The following ARID1A variants were observed in gnomAD, a reference collection of about 807,000 sequenced individuals.
The protein encoded by ARID1A is AT-rich interaction domain 1A, also known as AT-rich interactive domain-containing protein 1A.
Under a neutral mutation model 212.6 loss-of-function variants are expected in ARID1A, and 20 were observed. That is an observed-to-expected ratio of 0.09 (90% CI 0.07 to 0.14). ARID1A has a LOEUF of 0.14. Ranked by LOEUF, ARID1A falls within the 10% of genes least tolerant of loss-of-function variation. The pLI is 1.00. For missense variants in ARID1A, 2,587 were observed against 3,059.0 expected, an observed-to-expected ratio of 0.85 and a Z score of 3.64; for synonymous variants, 1,376 against 1,222.1, an observed-to-expected ratio of 1.13 and a Z score of -2.63.
chr1:26,728,673 GTT>G (rs989383746), intron 1 of ARID1A, among the ~76,000 whole-genome samples: 4 of 152,148 alleles, frequency 2.6e-5, no homozygotes, highest in African/African-American at 9.7e-5. Flanking sequence ...GTAAGAGCTA[GTT>G]TTTAAGTTTT....
intron 19 of ARID1A, among the ~76,000 whole-genome samples, chr1:26,776,577 A>G (rs1345806029): frequency 6.7e-6 from 1 of 149,850 alleles, no homozygotes; most frequent in Non-Finnish European, 1.5e-5. Flanking sequence ...CCGGCCCTAC[A>G]ATATTCTTAC....
At position 26,774,780 on chromosome 1, in the gene ARID1A, C is replaced by T. The variant is rs2124120441; in HGVS notation, c.4553C>T (p.Pro1518Leu). 6.2e-7 allele frequency: 1 copy of T among 1,614,238 alleles called. No individual in the cohort carries two copies. The change falls in exon 18 of 20, where the codon CCC (proline) becomes CTC (leucine). Residue 1518 changes from proline (P) to leucine (L), a missense_variant. Around this residue, in one of 11 missense-constraint regions of ARID1A, gnomAD observed 890 missense variants for 1,098.2 expected, o/e 0.81. Coordinates refer to ENST00000324856, the MANE Select transcript of ARID1A (RefSeq NM_006015.6). This position sits in a 1 kb window ranked among gnomAD's most constrained non-coding sequence, Gnocchi z 5.6. Reference sequence around the variant, plus strand: ...AACAGGCAGAGCACGGGCTCTGCCCCCCAGGGCCCCGCCTATCATGGCGTG... The same window carrying T: ...AACAGGCAGAGCACGGGCTCTGCCCTCCAGGGCCCCGCCTATCATGGCGTG... ...YANRQSTGSA[P>L]QGPAYHGVNR... is the part of the protein sequence containing the mutation.
rs756184983 is a variant in ARID1A at position 26,696,940 on chromosome 1, T to C, written c.537T>C (p.Pro179=). The part of the protein sequence containing the change: ...FHQQHGGQQS[P]GLAALQSGGG... ...AACAACATGGCGGACAACAAAGCCC[T>C]GGCCTGGCAGCGCTGCAGAGCGGCG... The change falls in exon 1 of 20, where the codon CCT becomes CCC. Residue 179 remains proline, a synonymous_variant. Coordinates refer to ENST00000324856, the MANE Select transcript of ARID1A (RefSeq NM_006015.6). 2.1e-6 allele frequency: 3 copies of C among 1,449,732 alleles called. No homozygotes were observed. Among genetic ancestry groups the C allele is most frequent in the South Asian group, 3.0e-5 (2 of 67,230 alleles). The allele number at this position is 1,449,732 out of a possible 1,614,324, so 89.8% of individuals were successfully genotyped here.
intron 4 of ARID1A, 137 bp from the exon 5 acceptor site, chr1:26,760,719 G>A: frequency 2.3e-6 from 2 of 882,080 alleles, no homozygotes; most frequent in East Asian, 3.0e-5. Flanking sequence ...AATAAAAATA[G>A]TATCATGACT....
Position 26,696,561 on chromosome 1 carries a change from C to T in ARID1A, c.158C>T (p.Ala53Val), listed in dbSNP as rs1323868717. The T allele has an allele frequency of 8.1e-7, 1 of 1,230,732 alleles. No homozygotes were observed. The highest frequency in any genetic ancestry group is 1.0e-6 in the Non-Finnish European group (1 of 989,864). 76.2% of individuals were successfully genotyped at this position (1,230,732 alleles called of 1,614,324 possible). A position where few individuals can be genotyped will look rare whatever the true frequency, so the allele number is the denominator to read the frequency against. Residue 53 changes from alanine to valine, a missense_variant, in exon 1 of 20, where the codon GCC becomes GTC. Ala to Val is a moderately conservative substitution (Grantham distance 64). Coordinates refer to ENST00000324856, the MANE Select transcript of ARID1A (RefSeq NM_006015.6). ...GCCGAGCGCGGGGAAATGAAGGCAGCCGCCGGGCAGGAAAGCGAGGGCCCC... is the reference window on the plus strand; with the variant it reads ...GCCGAGCGCGGGGAAATGAAGGCAGTCGCCGGGCAGGAAAGCGAGGGCCCC... ...AAAERGEMKA[A>V]AGQESEGPAV...
At chr1:26,699,695 C>T (rs894388216) in intron 1 of ARID1A, among the ~76,000 whole-genome samples, 10 of 152,146 alleles carry the variant, frequency 6.6e-5, no homozygotes, top group African/African-American at 2.2e-4. Context: ...GAACCTCTTT[C>T]CTCTCATTCC....
chr1:26,739,231 A>G (rs1438653342), intron 4 of ARID1A, among the ~76,000 whole-genome samples: 2 of 152,178 alleles, frequency 1.3e-5, no homozygotes, highest in African/African-American at 4.8e-5. Context: ...GTAAATTTAC[A>G]TTTTGGTCTT....
At position 26,776,063 on chromosome 1, in the gene ARID1A, G is replaced by C. The variant is rs1047976957; in HGVS notation, c.5124+356G>C. 8.1e-6 allele frequency: 3 copies of C among 369,958 alleles called. No homozygotes were observed. The Admixed American group carries it at 1.1e-4, about 13-fold the overall frequency. 22.9% of individuals were successfully genotyped at this position (369,958 alleles called of 1,614,324 possible). A position where few individuals can be genotyped will look rare whatever the true frequency, so the allele number is the denominator to read the frequency against. On this transcript the variant is annotated intron_variant, in intron 19 of 19. Transcript: ENST00000324856. ...GACGAGGTCTCACTATGTTGCCGAG[G>C]TTCATGAACTCCTGAGTTCAAGTGA...
At chr1:26,777,257 A>G (rs374280990) in intron 19 of ARID1A, among the ~76,000 whole-genome samples, 6 of 152,126 alleles carry the variant, frequency 3.9e-5, no homozygotes, top group East Asian at 3.9e-4. Context: ...CAGGGTCTCC[A>G]TTACTCAAGC....
intron 3 of ARID1A, among the ~76,000 whole-genome samples, chr1:26,732,017 C>T (rs750689626): frequency 5.3e-5 from 8 of 152,146 alleles, no homozygotes; most frequent in Non-Finnish European, 8.8e-5. Context: ...ATTCTGCTAT[C>T]GCTCAAAATA....
chr1:26,729,755 A>G lies in ARID1A; in HGVS notation c.1242A>G (p.Gly414=), dbSNP rs745650864. ...GACCTCCGTCAGGACCGCAGCAAGG[A>G]CATGGGTACCCAGGGCAGCCATACG... is the stretch of plus-strand genomic sequence containing the variant. ...QQGPPSGPQQ[G]HGYPGQPYGS... The change falls in exon 2 of 20, where the codon GGA becomes GGG. Residue 414 remains glycine (G), a synonymous_variant. Coordinates refer to ENST00000324856, the MANE Select transcript of ARID1A (RefSeq NM_006015.6). The G allele has an allele frequency of 6.2e-7, 1 of 1,614,244 alleles. No individual in the cohort carries two copies. The highest frequency in any genetic ancestry group is 8.5e-7 in the Non-Finnish European group (1 of 1,180,036).
At position 26,774,628 on chromosome 1, in the gene ARID1A, C is replaced by A. The variant is rs2124119158; in HGVS notation, c.4401C>A (p.Pro1467=). 6.2e-7 allele frequency: 1 copy of A among 1,614,234 alleles called. No homozygotes were observed. Among genetic ancestry groups the A allele is most frequent in the East Asian group, 2.2e-5 (1 of 44,882 alleles). The change falls in exon 18 of 20, where the codon CCC becomes CCA. Residue 1467 remains proline (P), a synonymous_variant. Transcript: ENST00000324856. This position sits in a 1 kb window ranked among gnomAD's most constrained non-coding sequence, Gnocchi z 5.6. ...TTGGCCGAGACCGTGTCTCTGCACC[C>A]CCTGGCACCAATGCCCAGCAAAACA... is the stretch of plus-strand genomic sequence containing the variant. ...FQFGRDRVSA[P]PGTNAQQNMP...
At chr1:26,742,728 T>C (rs1319085612) in intron 4 of ARID1A, among the ~76,000 whole-genome samples, 1 of 152,038 alleles carries the variant, frequency 6.6e-6, no homozygotes, top group African/African-American at 2.4e-5. Context: ...CCCAGCACTG[T>C]GGGAGGCTGA....
chr1:26,718,757 TACTA>T (rs987558672), intron 1 of ARID1A, among the ~76,000 whole-genome samples: 2 of 152,190 alleles, frequency 1.3e-5, no homozygotes, highest in Non-Finnish European at 2.9e-5. Flanking sequence ...ATCGTAGGCC[TACTA>T]ACTACATTTT....
rs1570537501 is a variant in ARID1A, at chr1:26,696,186, C to T, written c.-218C>T. 2 of 659,302 alleles carry T rather than the reference C, an allele frequency of 3.0e-6. No individual in the cohort carries two copies. The highest frequency in any genetic ancestry group is 4.1e-6 in the Non-Finnish European group (2 of 491,576). The allele number at this position is 659,302 out of a possible 1,614,324, so 40.8% of individuals were successfully genotyped here. A position where few individuals can be genotyped will look rare whatever the true frequency, so the allele number is the denominator to read the frequency against. ...AGCTGAGCCGCCGGCGCCTCGGCCG[C>T]CGCCGCCGCCTCCTCCTCCTCCGCC... is the stretch of plus-strand genomic sequence containing the variant. On this transcript the variant is annotated 5_prime_UTR_variant, in exon 1 of 20. Coordinates refer to ENST00000324856, the MANE Select transcript of ARID1A (RefSeq NM_006015.6).
intron 4 of ARID1A, among the ~76,000 whole-genome samples, chr1:26,748,194 C>G (rs1448033971): frequency 1.3e-5 from 2 of 152,232 alleles, no homozygotes; most frequent in African/African-American, 4.8e-5. Context: ...ACTTTGCCTT[C>G]CCTGGCTGTC....
At position 26,760,964 on chromosome 1, in the gene ARID1A, G is replaced by C. The variant is rs753878000; in HGVS notation, c.2029G>C (p.Ala677Pro). ...CAGCCAAGGAGAGCAGAGTAATCCA[G>C]CTCAGTCTCCTTTCTCTCCTCATAC... ...SSSQGEQSNP[A>P]QSPFSPHTSP... Residue 677 changes from alanine to proline, a missense_variant, in exon 5 of 20, where the codon GCT becomes CCT. By Grantham distance (27) the Ala-to-Pro change is conservative (BLOSUM62 -1). Transcript: ENST00000324856. The C allele has an allele frequency of 1.2e-6, 2 of 1,614,064 alleles. No individual in the cohort carries two copies. Among genetic ancestry groups the C allele is most frequent in the South Asian group, 1.1e-5 (1 of 91,078 alleles).
At chr1:26,711,857 C>T (rs1223697798) in intron 1 of ARID1A, among the ~76,000 whole-genome samples, 4 of 152,000 alleles carry the variant, frequency 2.6e-5, no homozygotes, top group Admixed American at 1.3e-4. Context: ...CTGAGCTGGG[C>T]GGATTGCTTG....
intron 8 of ARID1A, 149 bp downstream of exon 8, chr1:26,763,434 T>C: frequency 9.8e-7 from 1 of 1,019,494 alleles, no homozygotes; most frequent in South Asian, 1.8e-5. Context: ...TAGATGGGTC[T>C]GAAATTTCAC....
Sources: allele counts gnomAD v4.1 joint callset (sites outside exome capture counted in the v4.1 genomes callset), GRCh38; gene constraint gnomAD v4.1.1; regional missense constraint gnomAD v4.1.1; non-coding constraint Gnocchi (gnomAD v3.1); transcripts MANE v1.5; gene names NCBI Gene and HGNC (gene_info 2026-07-23, HGNC 2026-07-21).